Variants in CELF2 observed in about 807,000 individuals in gnomAD.
CELF2 encodes the protein CUGBP Elav-like family member 2, also known as CUG triplet repeat RNA-binding protein 2.
In CELF2, 8 loss-of-function variants were observed where a neutral mutation model predicts 62.6. The ratio of observed to expected loss-of-function variants is 0.13; its 90% confidence interval spans 0.07 to 0.23. The LOEUF (loss-of-function observed/expected upper bound fraction) is 0.23. CELF2 is among the 10% of genes least tolerant of loss of function. CELF2 has a pLI of 1.00. For synonymous variants in CELF2, 258 were observed against 250.0 expected, an observed-to-expected ratio of 1.03 and a Z score of -0.30; for missense variants, 333 against 671.0, an observed-to-expected ratio of 0.50 and a Z score of 5.56.
intron 1 of CELF2, among the ~76,000 whole-genome samples, chr10:10,842,658 A>ATAATTTT (rs933874092): frequency 3.3e-5 from 5 of 152,016 alleles, no homozygotes; most frequent in African/African-American, 9.7e-5. Context: ...GTCATAGTGT[A>ATAATTTT]TAATTTTTTT....
intron 1 of CELF2, among the ~76,000 whole-genome samples, chr10:11,058,835 C>T (rs949428241): frequency 7.9e-5 from 12 of 152,126 alleles, no homozygotes; most frequent in African/African-American, 2.9e-4. Context: ...TGCTGGAGTG[C>T]AGTGGCACAA....
chr10:10,510,072 C>CATTTCGCAA, the CELF2 span, among the ~76,000 whole-genome samples: 1 of 152,230 alleles, frequency 6.6e-6, no homozygotes, highest in South Asian at 2.1e-4. Flanking sequence ...ATTGCTAGCC[C>CATTTCGCAA]TGCTCCTTTT....
chr10:11,113,864 T>C (rs554041045), intron 1 of CELF2, among the ~76,000 whole-genome samples: 9 of 152,254 alleles, frequency 5.9e-5, no homozygotes, highest in African/African-American at 2.2e-4. Flanking sequence ...GACCATCACA[T>C]CTTGATTTTT....
Position 11,302,919 on chromosome 10 carries a change from C to T in CELF2, c.977-11220C>T, listed in dbSNP as rs1319991118. On this transcript the variant is annotated intron_variant, in intron 9 of 12. Transcript: ENST00000633077. This position sits in a 1 kb window ranked among gnomAD's most constrained non-coding sequence, Gnocchi z 5.0. ...TTTCTCTGCCAGGAGATGAAGCCAG[C>T]GTGTGTTTGGCACAACAATAAGAGC... 6.6e-6 allele frequency among the ~76,000 whole-genome samples: 1 copy of T among 152,142 alleles called. No individual in the cohort carries two copies. Among genetic ancestry groups the T allele is most frequent in the Non-Finnish European group, 1.5e-5 (1 of 68,034 alleles).
chr10:10,571,199 A>C, the CELF2 span, among the ~76,000 whole-genome samples: 1 of 152,216 alleles, frequency 6.6e-6, no homozygotes, highest in African/African-American at 2.4e-5. Flanking sequence ...GGAATTTAGC[A>C]AAATGACAGA....
At chr10:10,498,914 C>G in the CELF2 span, among the ~76,000 whole-genome samples, 2 of 152,116 alleles carry the variant, frequency 1.3e-5, no homozygotes, top group East Asian at 3.9e-4. Flanking sequence ...GGAGGACAAG[C>G]ACACACTTGG....
chr10:10,564,664 ACACACACACG>A, the CELF2 span, among the ~76,000 whole-genome samples: 6 of 100,242 alleles, frequency 6.0e-5, no homozygotes, highest in African/African-American at 1.4e-4. Flanking sequence ...ACACACACAC[ACACACACACG>A]CACACACGCA....
chr10:11,252,490 T>A (rs930271506), intron 4 of CELF2, among the ~76,000 whole-genome samples: 1 of 152,242 alleles, frequency 6.6e-6, no homozygotes, highest in Non-Finnish European at 1.5e-5. Flanking sequence ...TAATTCATGA[T>A]GGACAGGTGA....
chr10:11,005,071 C>A (rs1296814391), upstream of CELF2: 1 of 985,144 alleles, frequency 1.0e-6, no homozygotes, highest in Non-Finnish European at 1.2e-6. This position sits in a 1 kb window ranked among gnomAD's most constrained non-coding sequence, Gnocchi z 4.3. Flanking sequence ...AGAAGTAATA[C>A]CAGCCAGGCT....
At chr10:10,585,795 T>C in the CELF2 span, among the ~76,000 whole-genome samples, 1 of 152,218 alleles carries the variant, frequency 6.6e-6, no homozygotes, top group Non-Finnish European at 1.5e-5. Context: ...TTCAAGAGTA[T>C]TAACTGTTAA....
chr10:10,565,202 T>A, the CELF2 span, among the ~76,000 whole-genome samples: 7 of 152,204 alleles, frequency 4.6e-5, no homozygotes, highest in Non-Finnish European at 8.8e-5. Flanking sequence ...GCACTTGAAG[T>A]CCCTGTACAC....
At chr10:10,512,357 A>C in the CELF2 span, among the ~76,000 whole-genome samples, 1 of 151,614 alleles carries the variant, frequency 6.6e-6, no homozygotes, top group Non-Finnish European at 1.5e-5. Context: ...CATTAAACAC[A>C]AGACCTTCCT....
chr10:11,003,650 C>G (rs1031117354), upstream of CELF2, among the ~76,000 whole-genome samples: 1 of 152,112 alleles, frequency 6.6e-6, no homozygotes, highest in Non-Finnish European at 1.5e-5. The surrounding 1 kb of genome is among the most constrained non-coding windows in gnomAD (Gnocchi z 4.4). Context: ...GCCCCAGCAC[C>G]GAGCACAAGT....
chr10:10,474,952 G>A, the CELF2 span, among the ~76,000 whole-genome samples: 113 of 152,096 alleles, frequency 7.4e-4, 1 homozygote, highest in East Asian at 0.019. Context: ...TGGTGAATTA[G>A]GAATGATGTT....
intron 1 of CELF2, among the ~76,000 whole-genome samples, chr10:11,132,789 C>A (rs1465372325): frequency 1.3e-5 from 2 of 152,158 alleles, no homozygotes; most frequent in Non-Finnish European, 2.9e-5. Context: ...AAAACAGGGC[C>A]ACCAAATGGA....
intron 1 of CELF2, among the ~76,000 whole-genome samples, chr10:11,033,995 G>A (rs762510951): frequency 6.6e-6 from 1 of 152,192 alleles, no homozygotes; most frequent in African/African-American, 2.4e-5. Flanking sequence ...AAGAGTTGCA[G>A]TTTAGCATTG....
At chr10:11,295,437 G>A (rs965847937) in intron 9 of CELF2, among the ~76,000 whole-genome samples, 6 of 152,284 alleles carry the variant, frequency 3.9e-5, no homozygotes, top group Admixed American at 2.0e-4. Flanking sequence ...CTCTTAAAAC[G>A]TCATAACCAA....
chr10:10,522,001 C>G, the CELF2 span, among the ~76,000 whole-genome samples: 1 of 152,170 alleles, frequency 6.6e-6, no homozygotes, highest in African/African-American at 2.4e-5. Context: ...CAAGGATGGC[C>G]ATGGTCCAGC....
chr10:10,738,744 C>T, the CELF2 span, among the ~76,000 whole-genome samples: 1 of 152,068 alleles, frequency 6.6e-6, no homozygotes, highest in Non-Finnish European at 1.5e-5. Context: ...TAGGCAAAGT[C>T]CAAGAAACTG....
Sources: allele counts gnomAD v4.1 joint callset (sites outside exome capture counted in the v4.1 genomes callset), GRCh38; gene constraint gnomAD v4.1.1; non-coding constraint Gnocchi (gnomAD v3.1); transcripts MANE v1.5; gene names NCBI Gene and HGNC (gene_info 2026-07-23, HGNC 2026-07-21).